The following CCSER1 variants were observed in gnomAD, a reference collection of about 807,000 sequenced individuals.
CCSER1 encodes the protein serine-rich coiled-coil domain-containing protein 1.
In CCSER1, 41 loss-of-function variants were observed where a neutral mutation model predicts 82.0. The observed-to-expected ratio is 0.50, with a 90% CI of 0.39 to 0.65. The LOEUF is 0.65. Among genes scored for constraint, CCSER1 ranks in the 30% least tolerant of loss-of-function variants. CCSER1 has a pLI of 0.00. For synonymous variants in CCSER1, 414 were observed against 383.9 expected (o/e 1.08, Z -0.92); for missense variants, 1,119 against 1,064.2 (o/e 1.05, Z -0.72).
At chr4:90,194,377 T>A (rs1334603903) in intron 1 of CCSER1, among the ~76,000 whole-genome samples, 3 of 152,068 alleles carry the variant, frequency 2.0e-5, no homozygotes, top group Non-Finnish European at 4.4e-5. Context: ...GCAGCTCTTG[T>A]TATTTATGAA....
chr4:90,764,775 T>A lies in CCSER1; in HGVS notation c.2010+40784T>A, dbSNP rs187966498. 1.6e-3 allele frequency among the ~76,000 whole-genome samples: 247 copies of A among 152,254 alleles called. 1 individual carries two copies. Among genetic ancestry groups the A allele is most frequent in the African/African-American group, 5.8e-3 (240 of 41,568 alleles). ...ACTTTATTTTTCTCAACTAGAGAATTAGTTGAAAGCTCCCAACCCATGATT... is the reference window on the plus strand; with the variant it reads ...ACTTTATTTTTCTCAACTAGAGAATAAGTTGAAAGCTCCCAACCCATGATT... On this transcript the variant is annotated intron_variant, in intron 7 of 10. Transcript: ENST00000509176.
chr4:90,280,861 G>C (rs1300148925), intron 1 of CCSER1, among the ~76,000 whole-genome samples: 1 of 151,896 alleles, frequency 6.6e-6, no homozygotes, highest in Non-Finnish European at 1.5e-5. Context: ...TCGTATTTCA[G>C]CTTAGATTAT....
At chr4:90,201,231 T>C (rs1737644971) in intron 1 of CCSER1, among the ~76,000 whole-genome samples, 1 of 152,168 alleles carries the variant, frequency 6.6e-6, no homozygotes, top group African/African-American at 2.4e-5. Context: ...AATTCAGTTT[T>C]TACTTGGTGC....
At chr4:91,301,951 C>T (rs1417568828) in intron 10 of CCSER1, among the ~76,000 whole-genome samples, 1 of 150,668 alleles carries the variant, frequency 6.6e-6, no homozygotes, top group Non-Finnish European at 1.5e-5. Context: ...TCCTTCCTTC[C>T]TTTCTTCTTT....
At chr4:91,415,848 A>G (rs1277946703) in intron 10 of CCSER1, among the ~76,000 whole-genome samples, 2 of 152,094 alleles carry the variant, frequency 1.3e-5, no homozygotes, top group African/African-American at 4.8e-5. Flanking sequence ...GATGTTCATC[A>G]GGGATATTGG....
chr4:91,046,433 T>C lies in CCSER1; in HGVS notation c.2173-39517T>C, dbSNP rs145879981. On this transcript the variant is annotated intron_variant, in intron 9 of 10. Coordinates refer to ENST00000509176, the MANE Select transcript of CCSER1 (RefSeq NM_001145065.2). ...AATTATCAGAAGTTAAATTGAAAAA[T>C]TTTAAGTTTTAATCATTCAAATTGA... 1.1e-3 allele frequency among the ~76,000 whole-genome samples: 173 copies of C among 152,160 alleles called. 1 individual carries two copies. The highest frequency in any genetic ancestry group is 3.8e-3 in the African/African-American group (156 of 41,544).
intron 10 of CCSER1, among the ~76,000 whole-genome samples, chr4:91,556,431 T>G (rs1762407395): frequency 6.6e-6 from 1 of 150,946 alleles, no homozygotes; most frequent in African/African-American, 2.4e-5. Context: ...GTAGAATAAT[T>G]TTTTAAATGA....
At chr4:90,921,233 T>C (rs1728335083) in intron 8 of CCSER1, among the ~76,000 whole-genome samples, 1 of 151,956 alleles carries the variant, frequency 6.6e-6, no homozygotes. Flanking sequence ...ATCTTCTAAG[T>C]GTATGTGATA....
chr4:90,772,691 A>C (rs1345567923), intron 7 of CCSER1, among the ~76,000 whole-genome samples: 1 of 152,198 alleles, frequency 6.6e-6, no homozygotes, highest in Non-Finnish European at 1.5e-5. Flanking sequence ...TCTGAAGTAC[A>C]TCCTGGCAGA....
At chr4:91,410,155 T>C (rs1422342901) in intron 10 of CCSER1, among the ~76,000 whole-genome samples, 1 of 152,216 alleles carries the variant, frequency 6.6e-6, no homozygotes, top group Non-Finnish European at 1.5e-5. Context: ...TGTCTATTTC[T>C]AAAAAGTTAC....
At position 90,308,475 on chromosome 4, in the gene CCSER1, G is replaced by C; in HGVS notation, c.191G>C (p.Arg64Pro). 3 of 1,613,772 alleles carry C rather than the reference G, an allele frequency of 1.9e-6. No homozygotes were observed. Among genetic ancestry groups the C allele is most frequent in the Non-Finnish European group, 2.5e-6 (3 of 1,179,792 alleles). ...ACAGGTAAACGGAGGAGCATATTCC[G>C]TACTCCTTCCATTAGCTTCCACCAT... ...GSTGKRRSIF[R>P]TPSISFHHKK... The change falls in exon 2 of 11, where the codon CGT (arginine) becomes CCT (proline). Residue 64 changes from arginine to proline, a missense_variant. Arg to Pro is a moderately radical substitution (Grantham distance 103). Transcript: ENST00000509176.
At chr4:90,300,623 T>G (rs1205145581) in intron 1 of CCSER1, among the ~76,000 whole-genome samples, 1 of 152,016 alleles carries the variant, frequency 6.6e-6, no homozygotes. Flanking sequence ...TGAAAAAATA[T>G]GAGGGGTGTC....
intron 1 of CCSER1, among the ~76,000 whole-genome samples, chr4:90,268,190 C>T (rs1176820902): frequency 6.6e-6 from 1 of 151,880 alleles, no homozygotes; most frequent in African/African-American, 2.4e-5. Flanking sequence ...TGTTAATGAG[C>T]AATAAGGAAT....
chr4:91,233,752 T>C (rs1388201471), intron 10 of CCSER1, among the ~76,000 whole-genome samples: 1 of 151,976 alleles, frequency 6.6e-6, no homozygotes, highest in Non-Finnish European at 1.5e-5. Flanking sequence ...CTATTTAGTA[T>C]ATAAATTCAG....
At chr4:90,290,416 G>C (rs188006845) in intron 1 of CCSER1, among the ~76,000 whole-genome samples, 5 of 151,776 alleles carry the variant, frequency 3.3e-5, no homozygotes, top group Non-Finnish European at 7.4e-5. Context: ...GTCTCTTTTA[G>C]GTTTTCCTTC....
rs1280685734 is a variant in CCSER1, at chr4:91,339,847, C to A, written c.2217+253853C>A. Among the ~76,000 whole-genome samples, 5 of 152,130 alleles carry A rather than the reference C, an allele frequency of 3.3e-5. No homozygotes were observed. In the East Asian group the frequency reaches 9.7e-4, roughly 29 times the overall value. On this transcript the variant is annotated intron_variant, in intron 10 of 10. Transcript: ENST00000509176. ...ACAAAGATTAATTTAGGCCAGGTGC[C>A]ATGGCTTATGCCTGTAATCCCAGCA... is the stretch of plus-strand genomic sequence containing the variant.
intron 10 of CCSER1, among the ~76,000 whole-genome samples, chr4:91,515,279 T>C (rs1451032291): frequency 1.3e-5 from 2 of 152,128 alleles, no homozygotes; most frequent in Non-Finnish European, 2.9e-5. Flanking sequence ...TCATGGGGGA[T>C]TGGTGTACAG....
intron 6 of CCSER1, among the ~76,000 whole-genome samples, chr4:90,641,387 G>C (rs758791799): frequency 3.3e-5 from 5 of 152,046 alleles, no homozygotes; most frequent in Non-Finnish European, 5.9e-5. Flanking sequence ...GTGGGGGAAG[G>C]CATGTGCAGT....
At chr4:91,509,166 T>G (rs1046751489) in intron 10 of CCSER1, among the ~76,000 whole-genome samples, 1 of 151,892 alleles carries the variant, frequency 6.6e-6, no homozygotes, top group Non-Finnish European at 1.5e-5. Flanking sequence ...TTTTTTTAGC[T>G]TCTTTATGTG....
Sources: allele counts gnomAD v4.1 joint callset (sites outside exome capture counted in the v4.1 genomes callset), GRCh38; gene constraint gnomAD v4.1.1; transcripts MANE v1.5; gene names NCBI Gene and HGNC (gene_info 2026-07-23, HGNC 2026-07-21).